Variants in EXT2 observed in about 807,000 individuals in gnomAD.
EXT2 encodes the protein exostosin glycosyltransferase 2.
In EXT2, 53 loss-of-function variants were observed where a neutral mutation model predicts 81.6. The ratio of observed to expected loss-of-function variants is 0.65; its 90% confidence interval spans 0.52 to 0.82. The LOEUF is 0.82. Among genes scored for constraint, EXT2 ranks in the 40% least tolerant of loss-of-function variants. The pLI, the probability that EXT2 is intolerant of heterozygous loss-of-function variation, is 0.00. For synonymous variants in EXT2, 320 were observed against 340.0 expected (o/e 0.94, Z 0.65); for missense variants, 774 against 910.2 (o/e 0.85, Z 1.93).
intron 8 of EXT2, among the ~76,000 whole-genome samples, chr11:44,181,854 G>T (rs1955240593): frequency 6.6e-6 from 1 of 152,164 alleles, no homozygotes; most frequent in Non-Finnish European, 1.5e-5. Flanking sequence ...TTGGCAGTCT[G>T]CTCTTATTTG....
intron 10 of EXT2, among the ~76,000 whole-genome samples, chr11:44,224,682 G>C (rs1344606564): frequency 1.3e-5 from 2 of 152,208 alleles, no homozygotes; most frequent in African/African-American, 4.8e-5. Context: ...TACTGAGTTT[G>C]TGGTCACTGT....
At chr11:44,186,153 T>G (rs1325412822) in intron 8 of EXT2, among the ~76,000 whole-genome samples, 1 of 152,252 alleles carries the variant, frequency 6.6e-6, no homozygotes, top group Non-Finnish European at 1.5e-5. Context: ...TCTTTTGTAC[T>G]GTAAAACAGC....
chr11:44,147,196 TA>T (rs1954730118), intron 7 of EXT2, among the ~76,000 whole-genome samples: 1 of 152,240 alleles, frequency 6.6e-6, no homozygotes, highest in South Asian at 2.1e-4. Flanking sequence ...AATGTGGTAG[TA>T]AACTGTAATA....
At chr11:44,131,760 A>AG (rs35096587) in intron 7 of EXT2, among the ~76,000 whole-genome samples, 2 of 152,106 alleles carry the variant, frequency 1.3e-5, no homozygotes, top group Non-Finnish European at 2.9e-5. Flanking sequence ...TTCCCCGCCG[A>AG]GGGGTCTCAC....
chr11:44,114,366 G>A lies in EXT2; in HGVS notation c.743+65G>A, dbSNP rs566157428. On this transcript the variant is annotated intron_variant, in intron 4 of 13. Coordinates refer to ENST00000533608, the MANE Select transcript of EXT2 (RefSeq NM_207122.2). Reference sequence around the variant, plus strand: ...ATCTGTGAGATGTTGATGAGGTTTAGTGTGGTGGGCATCAAAGCAACCAAT... The same window carrying A: ...ATCTGTGAGATGTTGATGAGGTTTAATGTGGTGGGCATCAAAGCAACCAAT... The A allele has an allele frequency of 5.7e-5, 83 of 1,455,338 alleles. No homozygotes were observed. The East Asian group carries it at 1.7e-3, about 30-fold the overall frequency. 90.2% of individuals were successfully genotyped at this position (1,455,338 alleles called of 1,614,324 possible).
Position 44,237,282 on chromosome 11 carries a change from T to G in EXT2, c.2018+907T>G, listed in dbSNP as rs550266227. Among the ~76,000 whole-genome samples the G allele has an allele frequency of 3.9e-5, 6 of 152,262 alleles. No homozygotes were observed. The South Asian group carries it at 1.2e-3, about 32-fold the overall frequency. Reference sequence around the variant, plus strand: ...TCTTCAAGCCTAGAGAATTTTTGTGTGTGTGTGCAGAAAGTTGTTTCAGTT... The same window carrying G: ...TCTTCAAGCCTAGAGAATTTTTGTGGGTGTGTGCAGAAAGTTGTTTCAGTT... On this transcript the variant is annotated intron_variant, in intron 13 of 13. Coordinates refer to ENST00000533608, the MANE Select transcript of EXT2 (RefSeq NM_207122.2).
chr11:44,117,983 A>C (rs1033940927), intron 4 of EXT2, among the ~76,000 whole-genome samples: 1 of 152,164 alleles, frequency 6.6e-6, no homozygotes, highest in African/African-American at 2.4e-5. Context: ...CTTCTTTTTC[A>C]GAGTTTTCCT....
intron 5 of EXT2, among the ~76,000 whole-genome samples, chr11:44,125,858 T>C (rs978275833): frequency 3.9e-5 from 6 of 152,318 alleles, no homozygotes; most frequent in Non-Finnish European, 7.4e-5. Context: ...TGTCCACATC[T>C]GGATGCTGAC....
chr11:44,171,925 T>C (rs1955080783), intron 8 of EXT2, 183 bp downstream of exon 8: 2 of 819,854 alleles, frequency 2.4e-6, no homozygotes, highest in Non-Finnish European at 3.9e-6. Flanking sequence ...AAGTAAAAAA[T>C]ACGGAAGCAG....
intron 7 of EXT2, among the ~76,000 whole-genome samples, chr11:44,169,503 AG>A (rs1212106555): frequency 6.6e-6 from 1 of 152,158 alleles, no homozygotes; most frequent in Non-Finnish European, 1.5e-5. Context: ...TCAATTCTAA[AG>A]GTGAGAAAAA....
rs745738318 is a variant in EXT2, at chr11:44,124,908, A to G, written c.863A>G (p.Asn288Ser). ...GTGTTAGTACTCGATAAATGCACCA[A>G]CCTCTCAGAGGGTGTCCTTTCTGTC... is the stretch of plus-strand genomic sequence containing the variant. ...ESVLVLDKCT[N>S]LSEGVLSVRK... The change falls in exon 5 of 14, where the codon AAC (asparagine) becomes AGC (serine). Residue 288 changes from asparagine to serine, a missense_variant. This residue lies in a region of EXT2 where 626 missense variants were observed against 670.5 expected (regional missense o/e 0.93). Coordinates refer to ENST00000533608, the MANE Select transcript of EXT2 (RefSeq NM_207122.2). 11 of 1,613,812 alleles carry G rather than the reference A, an allele frequency of 6.8e-6. No homozygotes were observed. Among genetic ancestry groups the G allele is most frequent in the East Asian group, 4.5e-5 (2 of 44,880 alleles).
intron 8 of EXT2, among the ~76,000 whole-genome samples, chr11:44,187,482 T>C (rs1955332556): frequency 6.6e-6 from 1 of 152,172 alleles, no homozygotes; most frequent in Non-Finnish European, 1.5e-5. Flanking sequence ...ATTTCATTAT[T>C]CTTATCTGTA....
At chr11:44,218,251 C>G (rs955602066) in intron 10 of EXT2, among the ~76,000 whole-genome samples, 8 of 152,174 alleles carry the variant, frequency 5.3e-5, no homozygotes, top group Admixed American at 2.0e-4. Context: ...ATAAAACCAT[C>G]TTTGAGTGGG....
At chr11:44,188,925 G>A (rs1001501619) in intron 8 of EXT2, among the ~76,000 whole-genome samples, 10 of 152,162 alleles carry the variant, frequency 6.6e-5, no homozygotes, top group East Asian at 1.9e-4. Context: ...GACACAGGCC[G>A]CAGATCCAGG....
At chr11:44,149,634 A>C (rs934188194) in intron 7 of EXT2, among the ~76,000 whole-genome samples, 4 of 152,062 alleles carry the variant, frequency 2.6e-5, no homozygotes, top group African/African-American at 9.7e-5. Context: ...CATCATTTAG[A>C]CCTCTTCCCT....
chr11:44,107,323 G>A (rs553116913), intron 1 of EXT2, among the ~76,000 whole-genome samples: 10 of 152,210 alleles, frequency 6.6e-5, no homozygotes, highest in South Asian at 6.2e-4. Context: ...GGCTGGGCGC[G>A]GTGGCTTATG....
At position 44,120,509 on chromosome 11, in the gene EXT2, G is replaced by A. The variant is rs575687778; in HGVS notation, c.744-4280G>A. On this transcript the variant is annotated intron_variant, in intron 4 of 13. Transcript: ENST00000533608. Reference sequence around the variant, plus strand: ...CCTACCACCACCCCTCCCTGCCCCCGAAAACCAAGACAAAAAAAAATTAAA... The same window carrying A: ...CCTACCACCACCCCTCCCTGCCCCCAAAAACCAAGACAAAAAAAAATTAAA... Among the ~76,000 whole-genome samples the A allele has an allele frequency of 3.9e-5, 6 of 152,026 alleles. No individual in the cohort carries two copies. The East Asian group carries it at 7.7e-4, about 20-fold the overall frequency.
chr11:44,171,697 A>G lies in EXT2; in HGVS notation c.1260A>G (p.Pro420=), dbSNP rs1237360455. Residue 420 remains proline, a synonymous_variant, in exon 8 of 14, where the codon CCA becomes CCG. Coordinates refer to ENST00000533608, the MANE Select transcript of EXT2 (RefSeq NM_207122.2). ...TLQIINDRIY[P]YAAISYEEWN... is the part of the protein sequence containing the mutation. The stretch of plus-strand genomic sequence containing the variant: ...AGATTATCAATGACCGGATCTATCC[A>G]TATGCTGCCATCTCCTATGAAGAAT... 6.2e-7 allele frequency: 1 copy of G among 1,613,990 alleles called. No individual in the cohort carries two copies. Among genetic ancestry groups the G allele is most frequent in the Admixed American group, 1.7e-5 (1 of 60,006 alleles).
intron 9 of EXT2, among the ~76,000 whole-genome samples, chr11:44,203,350 T>C (rs1273770592): frequency 5.3e-5 from 8 of 152,178 alleles, no homozygotes; most frequent in Admixed American, 4.6e-4. Context: ...CTTCCCCAGC[T>C]AGATCTGAGA....
Sources: gnomAD v4.1 joint callset for allele counts (sites outside exome capture counted in the v4.1 genomes callset) on GRCh38, gnomAD v4.1.1 for gene constraint, gnomAD v4.1.1 regional missense constraint, MANE v1.5 for transcripts, NCBI Gene and HGNC (gene_info 2026-07-23, HGNC 2026-07-21) for gene names.